GRIA4: variants seen among roughly 807,000 people sequenced by gnomAD.
GRIA4 encodes the protein glutamate receptor 4.
Under a neutral mutation model 104.0 loss-of-function variants are expected in GRIA4, and 34 were observed. The observed-to-expected ratio is 0.33, with a 90% CI of 0.25 to 0.44. GRIA4 has a LOEUF of 0.44. Ranked by LOEUF, GRIA4 falls within the 20% of genes least tolerant of loss-of-function variation. The probability of loss-of-function intolerance (pLI) is 1.00; values close to 1 mark genes in which losing one functional copy is unlikely to be tolerated. For synonymous variants in GRIA4, 386 were observed against 381.9 expected (o/e 1.01, Z -0.13); for missense variants, 750 against 1,096.5 (o/e 0.68, Z 4.46).
chr11:105,863,708 A>G (rs1361322247), intron 5 of GRIA4, among the ~76,000 whole-genome samples: 1 of 152,214 alleles, frequency 6.6e-6, no homozygotes, highest in Non-Finnish European at 1.5e-5. Context: ...CCCACAGAGC[A>G]GCCAATTCTA....
intron 4 of GRIA4, among the ~76,000 whole-genome samples, chr11:105,839,141 A>G (rs1189421798): frequency 6.6e-6 from 1 of 152,014 alleles, no homozygotes; most frequent in Non-Finnish European, 1.5e-5. Flanking sequence ...ATGAAGACAT[A>G]CATTATATGA....
chr11:105,802,047 T>A (rs1942740975), intron 4 of GRIA4, among the ~76,000 whole-genome samples: 1 of 152,028 alleles, frequency 6.6e-6, no homozygotes, highest in African/African-American at 2.4e-5. Context: ...AAGGGCTAAA[T>A]TGGCAGGCAG....
chr11:105,665,216 T>G (rs1283031786), intron 3 of GRIA4, among the ~76,000 whole-genome samples: 1 of 152,014 alleles, frequency 6.6e-6, no homozygotes, highest in East Asian at 1.9e-4. Context: ...GTCAAATTAT[T>G]ATATAAAGCA....
chr11:105,837,420 A>G (rs1027671996), intron 4 of GRIA4, among the ~76,000 whole-genome samples: 4 of 152,188 alleles, frequency 2.6e-5, no homozygotes, highest in African/African-American at 9.6e-5. Context: ...GACATTGGAA[A>G]AAAAGGAAGC....
intron 4 of GRIA4, among the ~76,000 whole-genome samples, chr11:105,816,885 G>T (rs1943397757): frequency 6.6e-6 from 1 of 152,028 alleles, no homozygotes; most frequent in African/African-American, 2.4e-5. Flanking sequence ...GGATGGTGGT[G>T]CATGCCCATA....
intron 3 of GRIA4, among the ~76,000 whole-genome samples, chr11:105,738,930 C>A (rs375292082): frequency 0.014 from 1,133 of 79,788 alleles, 9 homozygotes; most frequent in African/African-American, 0.035. Flanking sequence ...TAAAAAAAAA[C>A]AAAAAAAAAA....
chr11:105,611,208 C>T (rs757852433), intron 2 of GRIA4, 123 bp downstream of exon 2: 3 of 721,144 alleles, frequency 4.2e-6, no homozygotes, highest in African/African-American at 1.8e-5. Flanking sequence ...CCTCTGTTTC[C>T]CTCCTCTTCC....
At chr11:105,710,074 T>C (rs1460483277) in intron 3 of GRIA4, among the ~76,000 whole-genome samples, 2 of 152,258 alleles carry the variant, frequency 1.3e-5, no homozygotes, top group Non-Finnish European at 1.5e-5. Context: ...CTTAGTGAAG[T>C]CTTTTATTAT....
At chr11:105,627,629 G>A (rs912375612) in intron 3 of GRIA4, among the ~76,000 whole-genome samples, 1 of 152,080 alleles carries the variant, frequency 6.6e-6, no homozygotes, top group Admixed American at 6.6e-5. Context: ...ATGTAATTCT[G>A]CTCACTGTTT....
At chr11:105,945,067 A>G (rs1218141448) in intron 14 of GRIA4, among the ~76,000 whole-genome samples, 3 of 152,154 alleles carry the variant, frequency 2.0e-5, no homozygotes, top group Non-Finnish European at 2.9e-5. Context: ...ACTCTCAAAA[A>G]ACAAAAGAAG....
intron 4 of GRIA4, among the ~76,000 whole-genome samples, chr11:105,776,056 C>T (rs1014192435): frequency 4.6e-5 from 7 of 151,894 alleles, no homozygotes; most frequent in Non-Finnish European, 1.0e-4. Flanking sequence ...CATATGCCAG[C>T]TTAGTATTTT....
intron 4 of GRIA4, among the ~76,000 whole-genome samples, chr11:105,821,724 C>G (rs1395386060): frequency 6.6e-6 from 1 of 151,976 alleles, no homozygotes; most frequent in Admixed American, 6.6e-5. Context: ...GATAAATATC[C>G]AAAGTATATC....
At chr11:105,772,188 A>G (rs978677168) in intron 4 of GRIA4, among the ~76,000 whole-genome samples, 1 of 152,178 alleles carries the variant, frequency 6.6e-6, no homozygotes, top group Non-Finnish European at 1.5e-5. Context: ...CAGTAAAAAG[A>G]GATTATTCAC....
At chr11:105,920,466 T>C (rs750263148) in intron 11 of GRIA4, among the ~76,000 whole-genome samples, 9 of 152,152 alleles carry the variant, frequency 5.9e-5, no homozygotes, top group Non-Finnish European at 1.3e-4. Flanking sequence ...GGATTACCAG[T>C]TAGTTATGAA....
intron 3 of GRIA4, among the ~76,000 whole-genome samples, chr11:105,619,358 T>A (rs1950682798): frequency 6.6e-6 from 1 of 151,982 alleles, no homozygotes; most frequent in Non-Finnish European, 1.5e-5. Flanking sequence ...AAAAATCAGT[T>A]ATTATATCTG....
At chr11:105,743,250 A>C (rs1343534712) in intron 3 of GRIA4, among the ~76,000 whole-genome samples, 12 of 152,302 alleles carry the variant, frequency 7.9e-5, no homozygotes, top group African/African-American at 2.9e-4. Flanking sequence ...TAGATGATTC[A>C]GCATATGCTT....
At chr11:105,634,535 A>C (rs1951154674) in intron 3 of GRIA4, among the ~76,000 whole-genome samples, 1 of 150,174 alleles carries the variant, frequency 6.7e-6, no homozygotes, top group Admixed American at 6.6e-5. Flanking sequence ...AAAGAAAAGA[A>C]AGAAAAAGAA....
At chr11:105,879,404 A>G (rs1945963839) in intron 5 of GRIA4, among the ~76,000 whole-genome samples, 1 of 152,180 alleles carries the variant, frequency 6.6e-6, no homozygotes, top group South Asian at 2.1e-4. Flanking sequence ...TACATAAATA[A>G]AATTACCTAT....
intron 14 of GRIA4, among the ~76,000 whole-genome samples, chr11:105,939,495 AT>A (rs1422683805): frequency 6.6e-6 from 1 of 152,174 alleles, no homozygotes; most frequent in East Asian, 1.9e-4. Context: ...TTTCTATTTA[AT>A]TGGCCTTGAT....
Sources: gnomAD v4.1 joint callset for allele counts (sites outside exome capture counted in the v4.1 genomes callset) on GRCh38, gnomAD v4.1.1 for gene constraint, MANE v1.5 for transcripts, NCBI Gene and HGNC (gene_info 2026-07-23, HGNC 2026-07-21) for gene names.